The following MAGI2 variants were observed in gnomAD, a reference collection of about 807,000 sequenced individuals.
MAGI2 encodes membrane-associated guanylate kinase, WW and PDZ domain-containing protein 2.
Under a neutral mutation model 133.3 loss-of-function variants are expected in MAGI2, and 35 were observed. The ratio of observed to expected loss-of-function variants is 0.26; its 90% confidence interval spans 0.20 to 0.35. MAGI2 has a LOEUF of 0.35. Among genes scored for constraint, MAGI2 ranks in the 10% least tolerant of loss-of-function variants. The pLI is 1.00. For synonymous variants in MAGI2, 729 were observed against 710.6 expected, an observed-to-expected ratio of 1.03 and a Z score of -0.41; for missense variants, 1,636 against 1,863.4, an observed-to-expected ratio of 0.88 and a Z score of 2.25.
chr7:78,684,870 T>C (rs1406678759), intron 2 of MAGI2, among the ~76,000 whole-genome samples: 1 of 152,216 alleles, frequency 6.6e-6, no homozygotes, highest in Non-Finnish European at 1.5e-5. Context: ...TTCAGAACGA[T>C]GGCAAATTAT....
chr7:79,206,511 T>C (rs1175593429), intron 1 of MAGI2, among the ~76,000 whole-genome samples: 1 of 151,812 alleles, frequency 6.6e-6, no homozygotes, highest in Middle Eastern at 3.2e-3. Context: ...CTACCAAGAC[T>C]AAATCATTAA....
intron 2 of MAGI2, among the ~76,000 whole-genome samples, chr7:78,633,197 C>A (rs1291493163): frequency 2.6e-5 from 4 of 152,138 alleles, no homozygotes; most frequent in Non-Finnish European, 5.9e-5. Context: ...ATGGTGAGAA[C>A]TTAGGAACAC....
chr7:79,233,985 G>C lies in MAGI2; in HGVS notation c.301+219035C>G, dbSNP rs1281649595. Among the ~76,000 whole-genome samples the C allele has an allele frequency of 4.1e-5, 6 of 145,130 alleles. No homozygotes were observed. The South Asian group carries it at 1.4e-3, about 33-fold the overall frequency. ...TCCTTCAGGAGCTCTTTTAGGGCAG[G>C]CCTGGTGGTGACAAAATCTCTCAGC... On this transcript the variant is annotated intron_variant, in intron 1 of 21. Transcript: ENST00000354212.
In MAGI2 at chr7:78,801,152, T is replaced by C. The variant is rs185400236; in HGVS notation, c.419-173913A>G. 1.0e-3 allele frequency among the ~76,000 whole-genome samples: 158 copies of C among 152,302 alleles called. 3 individuals carry two copies. Among genetic ancestry groups the C allele is most frequent in the Admixed American group, 1.6e-3 (25 of 15,292 alleles). ...GTTTCTGAGTAGTTTGCTTAACATT[T>C]GGCAAGAGATTTAAAGACAGGATAA... On this transcript the variant is annotated intron_variant, in intron 2 of 21. Transcript: ENST00000354212.
intron 10 of MAGI2, chr7:78,254,094 C>G (rs535766274): frequency 1.3e-5 from 2 of 152,228 alleles, no homozygotes; most frequent in East Asian, 3.9e-4. Context: ...AAACACAAAC[C>G]AAATGCAAAG....
At chr7:78,851,313 A>G (rs1281533985) in intron 2 of MAGI2, among the ~76,000 whole-genome samples, 2 of 152,108 alleles carry the variant, frequency 1.3e-5, no homozygotes, top group Non-Finnish European at 2.9e-5. Context: ...CAAGGGCTTT[A>G]AGAGTACGGC....
intron 2 of MAGI2, among the ~76,000 whole-genome samples, chr7:78,737,631 A>G (rs1821992081): frequency 6.6e-6 from 1 of 152,338 alleles, no homozygotes; most frequent in African/African-American, 2.4e-5. Flanking sequence ...ATGAGAATCC[A>G]GCTGTCTTCT....
At chr7:79,162,109 T>C (rs758932378) in intron 1 of MAGI2, among the ~76,000 whole-genome samples, 1 of 151,986 alleles carries the variant, frequency 6.6e-6, no homozygotes, top group Non-Finnish European at 1.5e-5. Context: ...TAACACATAG[T>C]GTTAGATTTT....
At chr7:79,213,325 TACACACACAC>T (rs146529788) in intron 1 of MAGI2, among the ~76,000 whole-genome samples, 11 of 145,398 alleles carry the variant, frequency 7.6e-5, no homozygotes, top group Non-Finnish European at 1.5e-4. Context: ...CGTACACACG[TACACACACAC>T]ACACACACAC....
chr7:79,000,401 A>G (rs1806742376), intron 2 of MAGI2: 1 of 152,306 alleles, frequency 6.6e-6, no homozygotes, highest in African/African-American at 2.4e-5. Flanking sequence ...GTTAGATGTT[A>G]ACACGTATTT....
At chr7:79,165,951 T>C (rs993708988) in intron 1 of MAGI2, among the ~76,000 whole-genome samples, 4 of 152,068 alleles carry the variant, frequency 2.6e-5, no homozygotes, top group Non-Finnish European at 4.4e-5. Flanking sequence ...TTGACCAAAA[T>C]GGAATGCTTG....
At chr7:78,277,987 G>C (rs899293644) in intron 9 of MAGI2, among the ~76,000 whole-genome samples, 23 of 152,164 alleles carry the variant, frequency 1.5e-4, no homozygotes, top group Admixed American at 1.5e-3. Context: ...CAAGATCAGA[G>C]TATGTGAATT....
At chr7:79,203,556 C>A (rs999883613) in intron 1 of MAGI2, among the ~76,000 whole-genome samples, 2 of 151,862 alleles carry the variant, frequency 1.3e-5, no homozygotes, top group African/African-American at 4.9e-5. Context: ...GTTATAGCAC[C>A]ATTGGTGCTT....
intron 1 of MAGI2, among the ~76,000 whole-genome samples, chr7:79,355,036 G>A (rs942550140): frequency 1.3e-5 from 2 of 152,190 alleles, no homozygotes; most frequent in African/African-American, 4.8e-5. Context: ...CCACATGCCA[G>A]AGTCTTGCCC....
chr7:78,894,458 A>T lies in MAGI2; in HGVS notation c.418+112632T>A, dbSNP rs575557458. On this transcript the variant is annotated intron_variant, in intron 2 of 21. Coordinates refer to ENST00000354212, the MANE Select transcript of MAGI2 (RefSeq NM_012301.4). ...CATAAGAAAATTGGGGCCCAGGATT[A>T]AAAAATAACATTTTCTAAAGGAAAA... Among the ~76,000 whole-genome samples, 3 of 152,282 alleles carry T rather than the reference A, an allele frequency of 2.0e-5. No individual in the cohort carries two copies. The South Asian group carries it at 6.2e-4, about 32-fold the overall frequency.
At chr7:79,354,945 C>T (rs1390238279) in intron 1 of MAGI2, among the ~76,000 whole-genome samples, 2 of 152,188 alleles carry the variant, frequency 1.3e-5, no homozygotes, top group Non-Finnish European at 2.9e-5. Flanking sequence ...CCCCCTTCTC[C>T]TACCTCTGTT....
intron 1 of MAGI2, among the ~76,000 whole-genome samples, chr7:79,176,136 C>T (rs1352932999): frequency 6.6e-6 from 1 of 151,956 alleles, no homozygotes; most frequent in East Asian, 1.9e-4. Context: ...TAGCATAAGG[C>T]ACTTTGATTA....
chr7:79,423,870 A>G (rs920630107), intron 1 of MAGI2, among the ~76,000 whole-genome samples: 2 of 152,162 alleles, frequency 1.3e-5, no homozygotes, highest in Admixed American at 6.5e-5. Context: ...GCATATTATT[A>G]TATAAAAGTG....
At chr7:78,605,439 T>C (rs1423730120) in intron 3 of MAGI2, among the ~76,000 whole-genome samples, 1 of 152,158 alleles carries the variant, frequency 6.6e-6, no homozygotes, top group African/African-American at 2.4e-5. Flanking sequence ...CTGATTAACA[T>C]GTAGAATTTA....
Sources: gnomAD v4.1 joint callset for allele counts (sites outside exome capture counted in the v4.1 genomes callset) on GRCh38, gnomAD v4.1.1 for gene constraint, MANE v1.5 for transcripts, NCBI Gene and HGNC (gene_info 2026-07-23, HGNC 2026-07-21) for gene names.